LARP1: variants seen among roughly 807,000 people sequenced by gnomAD.
LARP1 encodes la-related protein 1.
LARP1 carries 36 observed loss-of-function variants against 122.7 expected under a neutral mutation model. The ratio of observed to expected loss-of-function variants is 0.29; its 90% confidence interval spans 0.22 to 0.39. The LOEUF is 0.39. Among genes scored for constraint, LARP1 ranks in the 10% least tolerant of loss-of-function variants. The pLI is 1.00. For missense variants in LARP1, 1,040 were observed against 1,403.6 expected (o/e 0.74, Z 4.14); for synonymous variants, 539 against 528.7 (o/e 1.02, Z -0.27).
chr5:154,774,742 T>A (rs1002387624), intron 1 of LARP1, among the ~76,000 whole-genome samples: 2 of 152,022 alleles, frequency 1.3e-5, no homozygotes, highest in African/African-American at 4.8e-5. Context: ...CCCTCTGAGG[T>A]GCCAGCTCTT....
intron 1 of LARP1, among the ~76,000 whole-genome samples, chr5:154,763,914 T>G (rs1268494698): frequency 6.6e-6 from 1 of 150,792 alleles, no homozygotes; most frequent in Non-Finnish European, 1.5e-5. Context: ...CTGGGGAGGC[T>G]GAGGTGGGAG....
rs1250682038 is a variant in LARP1, at chr5:154,728,518, T to C, written c.205+15388T>C. Among the ~76,000 whole-genome samples the C allele has an allele frequency of 2.6e-5, 4 of 152,148 alleles. No homozygotes were observed. In the East Asian group the frequency reaches 7.7e-4, roughly 29 times the overall value. ...ACCCTTTTGGAACTCAGCTGCCATG[T>C]AATTAAGTTGAGCCTATCCTTCTGG... On this transcript the variant is annotated intron_variant, in intron 1 of 18. Transcript: ENST00000336314.
At position 154,793,708 on chromosome 5, in the gene LARP1, C is replaced by A. The variant is rs761026821; in HGVS notation, c.853C>A (p.Arg285Ser). The change falls in exon 5 of 19, where the codon CGC becomes AGC. Residue 285 changes from arginine (R) to serine (S), a missense_variant. By Grantham distance (110) the Arg-to-Ser change is moderately radical (BLOSUM62 -1). Transcript: ENST00000518297. ...PPEPRHIPAN[R>S]GEIKGSESAT... is the part of the protein sequence containing the mutation. The stretch of plus-strand genomic sequence containing the variant: ...GGAGCCTAGACACATACCTGCCAAT[C>A]GCGGAGAGATCAAAGGTATGCACTA... The A allele has an allele frequency of 6.2e-7, 1 of 1,614,184 alleles. No homozygotes were observed. Among genetic ancestry groups the A allele is most frequent in the African/African-American group, 1.3e-5 (1 of 75,046 alleles).
At chr5:154,743,027 T>C (rs1582258003) in intron 1 of LARP1, among the ~76,000 whole-genome samples, 1 of 152,322 alleles carries the variant, frequency 6.6e-6, no homozygotes, top group African/African-American at 2.4e-5. Context: ...TACACCTTTC[T>C]TAGAGATTGA....
At chr5:154,771,684 G>T (rs1475854418) in intron 1 of LARP1, among the ~76,000 whole-genome samples, 1 of 152,202 alleles carries the variant, frequency 6.6e-6, no homozygotes, top group African/African-American at 2.4e-5. Flanking sequence ...CCGCTGGCAG[G>T]GTGGGCTCTG....
rs767261139 is a variant in LARP1, at chr5:154,804,322, G to A, written c.2546+15G>A. 1 of 1,590,382 alleles carries A rather than the reference G, an allele frequency of 6.3e-7. No individual in the cohort carries two copies. The highest frequency in any genetic ancestry group is 2.2e-5 in the East Asian group (1 of 44,768). Reference sequence around the variant, plus strand: ...GCTTCCATCAGGTACCTGGGGCAGTGGGGGAAGAGTGATCAGGCTGCCTAT... The same window carrying A: ...GCTTCCATCAGGTACCTGGGGCAGTAGGGGAAGAGTGATCAGGCTGCCTAT... On this transcript the variant is annotated intron_variant, in intron 14 of 18. Transcript: ENST00000518297.
intron 8 of LARP1, 44 bp downstream of exon 8, chr5:154,795,363 T>A: frequency 6.3e-7 from 1 of 1,597,506 alleles, no homozygotes; most frequent in South Asian, 1.1e-5. Flanking sequence ...GAAAGAAAGG[T>A]CCTTAGGGAG....
intron 7 of LARP1, 40 bp downstream of exon 7, chr5:154,794,302 G>A: frequency 2.5e-6 from 4 of 1,601,580 alleles, no homozygotes; most frequent in Non-Finnish European, 2.6e-6. Context: ...AGAAATGAGT[G>A]AGAGGTTAGG....
chr5:154,723,867 C>T (rs1008755758), intron 1 of LARP1, among the ~76,000 whole-genome samples: 2 of 152,132 alleles, frequency 1.3e-5, no homozygotes, highest in African/African-American at 4.8e-5. Context: ...CCCTTCAGCC[C>T]CACTCCCCTG....
At chr5:154,781,323 T>G (rs901645227) in intron 1 of LARP1, among the ~76,000 whole-genome samples, 5 of 151,018 alleles carry the variant, frequency 3.3e-5, no homozygotes, top group African/African-American at 1.2e-4. Context: ...ACCTACCTTC[T>G]GGGCTCACGC....
At chr5:154,797,054 C>G (rs1394239349) in intron 8 of LARP1, among the ~76,000 whole-genome samples, 1 of 152,010 alleles carries the variant, frequency 6.6e-6, no homozygotes, top group Non-Finnish European at 1.5e-5. Context: ...GAATTGGCCA[C>G]TTTTAAAAGG....
upstream of LARP1, among the ~76,000 whole-genome samples, chr5:154,711,736 G>T (rs976059030): frequency 6.6e-6 from 1 of 152,126 alleles, no homozygotes; most frequent in African/African-American, 2.4e-5. Flanking sequence ...TATTAAGAGG[G>T]GGTACAGGGA....
At chr5:154,734,945 A>C (rs1006459403) in intron 1 of LARP1, among the ~76,000 whole-genome samples, 1 of 152,122 alleles carries the variant, frequency 6.6e-6, no homozygotes, top group Non-Finnish European at 1.5e-5. Flanking sequence ...TGACTGGCTT[A>C]TTTCATTTAG....
At chr5:154,768,153 G>T (rs1755102126) in intron 1 of LARP1, among the ~76,000 whole-genome samples, 1 of 152,182 alleles carries the variant, frequency 6.6e-6, no homozygotes, top group Non-Finnish European at 1.5e-5. Flanking sequence ...TTTTAACAGT[G>T]CCCCTAAATG....
At chr5:154,799,371 CAA>C (rs1307163871) in intron 8 of LARP1, among the ~76,000 whole-genome samples, 2 of 152,092 alleles carry the variant, frequency 1.3e-5, no homozygotes, top group African/African-American at 4.8e-5. Context: ...ATTGCAGGCT[CAA>C]AGAGTAAAAG....
At chr5:154,773,749 C>G (rs1303870975) in intron 1 of LARP1, among the ~76,000 whole-genome samples, 1 of 152,172 alleles carries the variant, frequency 6.6e-6, no homozygotes, top group East Asian at 1.9e-4. Context: ...AGGCCTTCCA[C>G]TTGGTTTGTC....
rs1351407770 is a variant in LARP1, at chr5:154,768,570, A to ATT, written c.436+12379_436+12380dup. On this transcript the variant is annotated intron_variant, in intron 1 of 18. Coordinates refer to ENST00000518297, the MANE Select transcript of LARP1 (RefSeq NM_033551.3). ...GAATTATGTACCCTATTTTTTATTT[A>ATT]TTTATTTTTATTTATTTATTTATTT... is the stretch of plus-strand genomic sequence containing the variant. Among the ~76,000 whole-genome samples the ATT allele has an allele frequency of 9.5e-4, 144 of 152,106 alleles. 2 individuals carry two copies. The East Asian group carries it at 0.023, about 24-fold the overall frequency.
chr5:154,691,600 C>T (rs1754211121), intron 1 of LARP1, among the ~76,000 whole-genome samples: 1 of 152,206 alleles, frequency 6.6e-6, no homozygotes, highest in Admixed American at 6.5e-5. Flanking sequence ...CTCAGCCCCG[C>T]CCCACTGCCC....
chr5:154,718,678 A>C (rs535051528), intron 1 of LARP1: 3 of 152,416 alleles, frequency 2.0e-5, no homozygotes, highest in African/African-American at 7.2e-5. Context: ...GGCATAGGCC[A>C]TTGTGCCCAG....
Sources: allele counts gnomAD v4.1 joint callset (sites outside exome capture counted in the v4.1 genomes callset), GRCh38; gene constraint gnomAD v4.1.1; transcripts MANE v1.5; gene names NCBI Gene and HGNC (gene_info 2026-07-23, HGNC 2026-07-21).